Variants in TRA2B observed in about 807,000 individuals in gnomAD.
TRA2B encodes the protein transformer-2 protein homolog beta.
Under a neutral mutation model 41.7 loss-of-function variants are expected in TRA2B, and 14 were observed. The ratio of observed to expected loss-of-function variants is 0.34; its 90% CI spans 0.22 to 0.53. TRA2B has a LOEUF of 0.53. TRA2B is among the 20% of genes least tolerant of loss of function. The pLI, the probability that TRA2B is intolerant of heterozygous loss-of-function variation, is 0.95. For synonymous variants in TRA2B, 130 were observed against 128.8 expected (o/e 1.01, Z -0.06); for missense variants, 167 against 396.8 (o/e 0.42, Z 4.92).
chr3:185,922,303 T>C (rs1044313398), intron 4 of TRA2B, 177 bp from the exon 5 acceptor site: 1 of 438,346 alleles, frequency 2.3e-6, no homozygotes, highest in Admixed American at 4.1e-5. Flanking sequence ...AATGTTCATT[T>C]GTAAAAGCTA....
chr3:185,929,219 G>A (rs771334019), intron 1 of TRA2B: 7 of 152,106 alleles, frequency 4.6e-5, no homozygotes, highest in Non-Finnish European at 8.8e-5. Flanking sequence ...AAGTTATTTT[G>A]GCCATTTAAC....
intron 1 of TRA2B, among the ~76,000 whole-genome samples, chr3:185,933,494 G>A (rs1054058974): frequency 2.6e-5 from 4 of 152,080 alleles, no homozygotes; most frequent in Non-Finnish European, 5.9e-5. Flanking sequence ...AATGTTTCTA[G>A]GGGATACAAC....
At chr3:185,937,039 A>G in intron 1 of TRA2B, 1 of 985,360 alleles carries the variant, frequency 1.0e-6, no homozygotes, top group Non-Finnish European at 1.2e-6. Flanking sequence ...CTCCTTCACA[A>G]TCCCGTGGAA....
At position 185,915,873 on chromosome 3, in the gene TRA2B, GAAAGGA is replaced by G; in HGVS notation, c.*1836_*1841del. The G allele has an allele frequency of 1.3e-5, 2 of 152,118 alleles. No homozygotes were observed. Among genetic ancestry groups the G allele is most frequent in the Admixed American group, 6.5e-5 (1 of 15,270 alleles). 9.4% of individuals were successfully genotyped at this position (152,118 alleles called of 1,614,324 possible). A position where few individuals can be genotyped will look rare whatever the true frequency, so the allele number is the denominator to read the frequency against. ...ATGGTGGAGAATGTAGTTACTTCAG[GAAAGGA>G]TGCCTGTATATACTACCACGATAAA... On this transcript the variant is annotated 3_prime_UTR_variant, in exon 9 of 9. Transcript: ENST00000453386.
chr3:185,934,350 A>C (rs1744265823), intron 1 of TRA2B: 2 of 985,304 alleles, frequency 2.0e-6, no homozygotes, highest in South Asian at 9.4e-5. Context: ...AAAAAACGCT[A>C]TGTAAGGCAA....
intron 8 of TRA2B, 42 bp from the exon 9 acceptor site, chr3:185,917,767 T>A (rs983066280): frequency 6.3e-7 from 1 of 1,596,432 alleles, no homozygotes; most frequent in African/African-American, 1.3e-5. Context: ...TTAAGTGAAC[T>A]AATTATCAAG....
chr3:185,923,320 G>A (rs1743812556), intron 4 of TRA2B: 1 of 152,394 alleles, frequency 6.6e-6, no homozygotes, highest in Admixed American at 6.5e-5. Flanking sequence ...TATACTTGGA[G>A]ATGACTTTAG....
chr3:185,936,557 A>G, intron 1 of TRA2B: 1 of 985,448 alleles, frequency 1.0e-6, no homozygotes, highest in South Asian at 4.7e-5. Context: ...TACTCTGAGG[A>G]ATCATATAAA....
chr3:185,914,786 T>G lies in TRA2B; in HGVS notation c.*2929A>C, dbSNP rs954283567. On this transcript the variant is annotated 3_prime_UTR_variant, in exon 9 of 9. Coordinates refer to ENST00000453386, the MANE Select transcript of TRA2B (RefSeq NM_004593.3). ...TCCACTGCTAATAAATCCAGCCTAA[T>G]CCATCCTCAAAATTTCCATATAATT... Among the ~76,000 whole-genome samples, 16 of 152,054 alleles carry G rather than the reference T, an allele frequency of 1.1e-4. 1 individual carries two copies. The highest frequency in any genetic ancestry group is 3.1e-4 in the African/African-American group (13 of 41,466).
chr3:185,934,651 T>C lies in TRA2B; in HGVS notation c.36+3174A>G. The C allele has an allele frequency of 4.1e-6, 4 of 985,362 alleles. No individual in the cohort carries two copies. The South Asian group carries it at 1.9e-4, about 46-fold the overall frequency. The allele number at this position is 985,362 out of a possible 1,614,324, so 61.0% of individuals were successfully genotyped here. A position where few individuals can be genotyped will look rare whatever the true frequency, so the allele number is the denominator to read the frequency against. On this transcript the variant is annotated intron_variant, in intron 1 of 8. Coordinates refer to ENST00000453386, the MANE Select transcript of TRA2B (RefSeq NM_004593.3). ...ATTTGGTGAGATGGCTGCAATTCTT[T>C]AGAAAGAAGTAGATTCAGAGATGTT... is the stretch of plus-strand genomic sequence containing the variant.
intron 1 of TRA2B, chr3:185,934,993 C>G (rs1257423318): frequency 8.1e-6 from 8 of 985,312 alleles, no homozygotes; most frequent in African/African-American, 1.7e-5. Flanking sequence ...CTCGTAGAAA[C>G]TCATTACAAT....
At chr3:185,932,971 G>A (rs188273874) in intron 1 of TRA2B, among the ~76,000 whole-genome samples, 86 of 152,270 alleles carry the variant, frequency 5.6e-4, no homozygotes, top group African/African-American at 1.9e-3. Flanking sequence ...ATAATTTCCA[G>A]TCTAGTTTTA....
chr3:185,924,058 T>A (rs913568536), intron 3 of TRA2B, 74 bp from the exon 4 acceptor site: 1 of 1,345,370 alleles, frequency 7.4e-7, no homozygotes, highest in African/African-American at 1.5e-5. Context: ...GGGAGCTGTA[T>A]ACTAGCCAAA....
At chr3:185,935,052 C>A (rs1378313751) in intron 1 of TRA2B, 1 of 985,316 alleles carries the variant, frequency 1.0e-6, no homozygotes, top group Non-Finnish European at 1.2e-6. Flanking sequence ...ACATACAAAT[C>A]TCACACAACC....
chr3:185,927,102 C>A (rs1037628194), intron 1 of TRA2B: 1 of 155,150 alleles, frequency 6.4e-6, no homozygotes, highest in Admixed American at 6.4e-5. Flanking sequence ...ATACTTTATA[C>A]CTATTTCAAT....
chr3:185,935,868 C>A lies in TRA2B; in HGVS notation c.36+1957G>T, dbSNP rs191559861. On this transcript the variant is annotated intron_variant, in intron 1 of 8. Coordinates refer to ENST00000453386, the MANE Select transcript of TRA2B (RefSeq NM_004593.3). ...TTTCACAACGTAAAAGTTTAGAGAT[C>A]TCGGCCAGAAAGCGAAGACTCTTAT... The A allele has an allele frequency of 1.4e-5, 14 of 985,348 alleles. No individual in the cohort carries two copies. In the Admixed American group the frequency reaches 6.8e-4, roughly 48 times the overall value. The allele number at this position is 985,348 out of a possible 1,614,324, so 61.0% of individuals were successfully genotyped here.
chr3:185,925,320 AAG>A (rs1254172806), intron 3 of TRA2B, 142 bp downstream of exon 3: 9 of 944,166 alleles, frequency 9.5e-6, no homozygotes, highest in Non-Finnish European at 1.1e-5. Context: ...ATTAACTTAA[AAG>A]ACTCTCTCAA....
intron 2 of TRA2B, 57 bp downstream of exon 2, chr3:185,926,544 C>G: frequency 6.2e-7 from 1 of 1,603,658 alleles, no homozygotes; most frequent in Non-Finnish European, 8.5e-7. Context: ...GTTTACAAAA[C>G]ACGCACCAAT....
At chr3:185,926,771 T>C (rs746965067) in intron 1 of TRA2B, 37 bp from the exon 2 acceptor site, 1 of 1,609,254 alleles carries the variant, frequency 6.2e-7, no homozygotes, top group South Asian at 1.1e-5. Flanking sequence ...TTGCACACTT[T>C]CTGGGCAACT....
Sources: allele counts gnomAD v4.1 joint callset (sites outside exome capture counted in the v4.1 genomes callset), GRCh38; gene constraint gnomAD v4.1.1; transcripts MANE v1.5; gene names NCBI Gene and HGNC (gene_info 2026-07-23, HGNC 2026-07-21).